Variants in LIN7A observed in about 807,000 individuals in gnomAD.
LIN7A encodes the protein lin-7 cell polarity scaffold A, also known as protein lin-7 homolog A.
Under a neutral mutation model 29.8 loss-of-function variants are expected in LIN7A, and 25 were observed. That is an observed-to-expected ratio of 0.84 (90% CI 0.61 to 1.17). The LOEUF is 1.17. Among genes scored for constraint, LIN7A ranks in the 50% most tolerant of loss-of-function variants. LIN7A has a pLI of 0.00. For missense variants in LIN7A, 239 were observed against 287.0 expected (o/e 0.83, Z 1.21); for synonymous variants, 118 against 107.5 (o/e 1.10, Z -0.60).
At chr12:80,807,079 T>TTTTTTTTTTTTTTTTTTTTTTTTTTTG (rs1871058427) in intron 5 of LIN7A, among the ~76,000 whole-genome samples, 1 of 131,916 alleles carries the variant, frequency 7.6e-6, no homozygotes, top group Non-Finnish European at 1.6e-5. Flanking sequence ...TTTTTTTTTT[T>TTTTTTTTTTTTTTTTTTTTTTTTTTTG]TTTTTTTTTT....
chr12:80,830,033 G>C (rs1265885361), intron 4 of LIN7A, among the ~76,000 whole-genome samples: 3 of 152,074 alleles, frequency 2.0e-5, no homozygotes, highest in Non-Finnish European at 2.9e-5. Context: ...CACCCTTTGT[G>C]ATCTGGCCCC....
At chr12:80,818,334 A>C (rs1871634245) in intron 4 of LIN7A, among the ~76,000 whole-genome samples, 1 of 152,154 alleles carries the variant, frequency 6.6e-6, no homozygotes, top group Non-Finnish European at 1.5e-5. Flanking sequence ...ATGTGTGTAT[A>C]TGTATACTGT....
intron 4 of LIN7A, among the ~76,000 whole-genome samples, chr12:80,838,422 A>G (rs1256408291): frequency 6.6e-6 from 1 of 152,206 alleles, no homozygotes; most frequent in Admixed American, 6.5e-5. Flanking sequence ...TTGTGAGCCA[A>G]CTCAGAATGA....
chr12:80,856,498 G>A (rs1873606129), intron 2 of LIN7A, among the ~76,000 whole-genome samples: 1 of 152,166 alleles, frequency 6.6e-6, no homozygotes, highest in African/African-American at 2.4e-5. Context: ...TGGTAACTGT[G>A]CCATGTGAAA....
At chr12:80,824,282 C>T (rs1871952583) in intron 4 of LIN7A, among the ~76,000 whole-genome samples, 1 of 152,008 alleles carries the variant, frequency 6.6e-6, no homozygotes, top group African/African-American at 2.4e-5. Flanking sequence ...GGATAAATTC[C>T]TGGAAATGTA....
In LIN7A at chr12:80,937,649, A is replaced by G; in HGVS notation, c.74T>C (p.Leu25Pro). 6.4e-7 allele frequency: 1 copy of G among 1,557,026 alleles called. No individual in the cohort carries two copies. The highest frequency in any genetic ancestry group is 8.7e-7 in the Non-Finnish European group (1 of 1,147,564). Residue 25 changes from leucine to proline, a missense_variant, in exon 1 of 6, where the codon CTG (leucine) becomes CCG (proline). By Grantham distance (98) the Leu-to-Pro change is moderately conservative. Transcript: ENST00000552864. ...ATLTVVQPLT[L>P]DRDVARAIEL... ...GCGAGCCGCTCCCTTACCTCTGTCC[A>G]GGGTGAGCGGCTGGACCACTGTCAA...
chr12:80,872,996 T>G (rs1874498649), intron 2 of LIN7A, among the ~76,000 whole-genome samples: 1 of 152,176 alleles, frequency 6.6e-6, no homozygotes, highest in Admixed American at 6.5e-5. Flanking sequence ...CTCCACATTG[T>G]CTCCATATGG....
intron 5 of LIN7A, among the ~76,000 whole-genome samples, chr12:80,810,197 A>G (rs561468951): frequency 4.7e-4 from 71 of 152,224 alleles, no homozygotes; most frequent in African/African-American, 1.6e-3. Flanking sequence ...CCAGCCTCCC[A>G]GCCTCTGGAA....
intron 1 of LIN7A, among the ~76,000 whole-genome samples, chr12:80,923,126 A>C (rs1026752429): frequency 2.6e-5 from 4 of 152,214 alleles, no homozygotes; most frequent in Admixed American, 1.3e-4. Flanking sequence ...ACAAAAAGGC[A>C]GAAGAAAGGC....
chr12:80,868,242 A>G (rs541902468), intron 2 of LIN7A, among the ~76,000 whole-genome samples: 5 of 152,318 alleles, frequency 3.3e-5, no homozygotes, highest in East Asian at 3.9e-4. Context: ...TGCATGCCCA[A>G]GGATAAAGAG....
At chr12:80,871,626 T>C (rs1453936549) in intron 2 of LIN7A, among the ~76,000 whole-genome samples, 1 of 152,006 alleles carries the variant, frequency 6.6e-6, no homozygotes, top group Non-Finnish European at 1.5e-5. Flanking sequence ...AGAAAACCAA[T>C]ACTTTTAAAT....
At chr12:80,930,387 C>T (rs1486134835) in intron 1 of LIN7A, among the ~76,000 whole-genome samples, 1 of 151,910 alleles carries the variant, frequency 6.6e-6, no homozygotes, top group East Asian at 1.9e-4. Flanking sequence ...TAAACCAGAA[C>T]TAAGGCATGG....
intron 1 of LIN7A, among the ~76,000 whole-genome samples, chr12:80,912,813 C>T (rs143356033): frequency 0.014 from 2,113 of 152,044 alleles, 47 homozygotes; most frequent in African/African-American, 0.048. Context: ...AGGTTACCCA[C>T]GCCAGTCTCC....
intron 3 of LIN7A, among the ~76,000 whole-genome samples, chr12:80,847,761 G>A (rs1443835272): frequency 6.6e-6 from 1 of 152,124 alleles, no homozygotes; most frequent in East Asian, 1.9e-4. Context: ...AAGGTGACAG[G>A]CGTTTTCTAT....
chr12:80,920,467 A>G (rs1877245208), intron 1 of LIN7A, among the ~76,000 whole-genome samples: 1 of 152,186 alleles, frequency 6.6e-6, no homozygotes, highest in Non-Finnish European at 1.5e-5. Flanking sequence ...GTTGTAAGTG[A>G]TATTATTAAG....
At chr12:80,901,766 A>G (rs905406695) in intron 1 of LIN7A, among the ~76,000 whole-genome samples, 4 of 152,098 alleles carry the variant, frequency 2.6e-5, no homozygotes, top group African/African-American at 9.7e-5. Context: ...TGACACTTTG[A>G]TATATAATTC....
At chr12:80,826,274 C>G (rs938346380) in intron 4 of LIN7A, among the ~76,000 whole-genome samples, 4 of 152,210 alleles carry the variant, frequency 2.6e-5, no homozygotes, top group Non-Finnish European at 4.4e-5. Context: ...CTAACTGGCT[C>G]TAACCTCCAA....
At chr12:80,873,300 C>T (rs535189085) in intron 2 of LIN7A, among the ~76,000 whole-genome samples, 3 of 152,086 alleles carry the variant, frequency 2.0e-5, no homozygotes, top group African/African-American at 4.8e-5. Flanking sequence ...GAGGTAGAGC[C>T]GGGTGGGTCA....
intron 4 of LIN7A, among the ~76,000 whole-genome samples, chr12:80,828,197 A>C (rs1872176039): frequency 2.0e-5 from 3 of 152,192 alleles, no homozygotes; most frequent in Admixed American, 2.0e-4. Context: ...AAGTATATCC[A>C]TATCTTCCTA....
Sources: gnomAD v4.1 joint callset for allele counts (sites outside exome capture counted in the v4.1 genomes callset) on GRCh38, gnomAD v4.1.1 for gene constraint, MANE v1.5 for transcripts, NCBI Gene and HGNC (gene_info 2026-07-23, HGNC 2026-07-21) for gene names.